Variants in ACVR1C observed in about 807,000 individuals in gnomAD.
The protein encoded by ACVR1C is activin A receptor type 1C.
In ACVR1C, 23 loss-of-function variants were observed where a neutral mutation model predicts 57.9. The ratio of observed to expected loss-of-function variants is 0.40; its 90% confidence interval spans 0.29 to 0.56. The LOEUF is 0.56. ACVR1C is among the 20% of genes least tolerant of loss of function. The pLI, the probability that ACVR1C is intolerant of heterozygous loss-of-function variation, is 0.50. For synonymous variants in ACVR1C, 214 were observed against 215.3 expected, an observed-to-expected ratio of 0.99 and a Z score of 0.05; for missense variants, 480 against 607.9, an observed-to-expected ratio of 0.79 and a Z score of 2.21.
At chr2:157,559,015 G>A (rs570303533) in intron 2 of ACVR1C, among the ~76,000 whole-genome samples, 17 of 152,198 alleles carry the variant, frequency 1.1e-4, no homozygotes, top group African/African-American at 3.1e-4. Flanking sequence ...ATTTTGATAC[G>A]TGTTATTGGG....
At chr2:157,598,681 A>G (rs1478770630) in intron 1 of ACVR1C, among the ~76,000 whole-genome samples, 5 of 151,748 alleles carry the variant, frequency 3.3e-5, no homozygotes, top group Non-Finnish European at 7.4e-5. Flanking sequence ...CTGGGATTAC[A>G]GGCGCTCACC....
intron 1 of ACVR1C, among the ~76,000 whole-genome samples, chr2:157,610,448 A>G (rs976823457): frequency 6.6e-6 from 1 of 152,132 alleles, no homozygotes; most frequent in Admixed American, 6.5e-5. Context: ...GTGACGAGAT[A>G]CTTTTGCTGT....
intron 2 of ACVR1C, among the ~76,000 whole-genome samples, chr2:157,559,463 A>G (rs747173214): frequency 2.0e-5 from 3 of 152,240 alleles, no homozygotes; most frequent in Non-Finnish European, 4.4e-5. Flanking sequence ...GTACAAGAAA[A>G]CAATCATGCA....
At position 157,545,974 on chromosome 2, in the gene ACVR1C, G is replaced by T. The variant is rs539416566; in HGVS notation, c.776-1362C>A. Among the ~76,000 whole-genome samples the T allele has an allele frequency of 4.9e-4, 74 of 152,106 alleles. 2 individuals carry two copies. The South Asian group carries it at 0.015, about 31-fold the overall frequency. On this transcript the variant is annotated intron_variant, in intron 4 of 8. Transcript: ENST00000243349. ...ATTTTTTATTTTTAGTAGAAACGGG[G>T]TTTCACCATGTTGGCCAGGCTAATC...
chr2:157,536,863 A>G (rs1444990873), intron 8 of ACVR1C, among the ~76,000 whole-genome samples: 1 of 152,200 alleles, frequency 6.6e-6, no homozygotes, highest in African/African-American at 2.4e-5. Flanking sequence ...AATGTACAAA[A>G]TTGTTCACAC....
At chr2:157,550,714 T>G (rs935260831) in intron 3 of ACVR1C, among the ~76,000 whole-genome samples, 2 of 140,264 alleles carry the variant, frequency 1.4e-5, no homozygotes, top group Admixed American at 1.5e-4. Flanking sequence ...GTCAGGTTAC[T>G]AAGTACACAA....
rs148922144 is a variant in ACVR1C at position 157,590,128 on chromosome 2, T to C, written c.74-2711A>G. 4.3e-3 allele frequency among the ~76,000 whole-genome samples: 648 copies of C among 152,032 alleles called. 9 individuals are homozygous for C. The highest frequency in any genetic ancestry group is 0.015 in the African/African-American group (603 of 41,492). The stretch of plus-strand genomic sequence containing the variant: ...CAACATTCTCTAGGTAAAAAATTTA[T>C]GACTAAGACCCCAAAAGCAAATGCA... On this transcript the variant is annotated intron_variant, in intron 1 of 8. Transcript: ENST00000243349.
intron 1 of ACVR1C, among the ~76,000 whole-genome samples, chr2:157,613,991 AC>A (rs1682590167): frequency 1.3e-5 from 2 of 152,096 alleles, no homozygotes; most frequent in African/African-American, 4.8e-5. Flanking sequence ...GAAATTAGAG[AC>A]TTTTTTGTTA....
At chr2:157,611,329 G>C (rs1682527407) in intron 1 of ACVR1C, among the ~76,000 whole-genome samples, 1 of 152,238 alleles carries the variant, frequency 6.6e-6, no homozygotes, top group South Asian at 2.1e-4. Flanking sequence ...CAGTGAGTTA[G>C]AGTATGGTTA....
chr2:157,596,753 A>C (rs999925736), intron 1 of ACVR1C, among the ~76,000 whole-genome samples: 2 of 152,232 alleles, frequency 1.3e-5, no homozygotes, highest in African/African-American at 4.8e-5. Context: ...ACTTTATGGC[A>C]AGTCTTTAGA....
At chr2:157,591,203 G>C (rs1360947001) in intron 1 of ACVR1C, among the ~76,000 whole-genome samples, 3 of 151,932 alleles carry the variant, frequency 2.0e-5, no homozygotes, top group Non-Finnish European at 2.9e-5. Context: ...TCTGTCAAGA[G>C]TGATTTGACT....
At chr2:157,540,681 A>G (rs1275145020) in intron 7 of ACVR1C, among the ~76,000 whole-genome samples, 3 of 152,218 alleles carry the variant, frequency 2.0e-5, no homozygotes, top group Non-Finnish European at 4.4e-5. Flanking sequence ...ATCCAACCCT[A>G]CAGTATTTAT....
Position 157,628,732 on chromosome 2 carries a change from C to T in ACVR1C, c.-88G>A, listed in dbSNP as rs558302673. ...CACGGCCCGCTTTGAAGTTCCCGGG[C>T]CGCGGGAGGGGAGCGCGGCACCGAC... On this transcript the variant is annotated 5_prime_UTR_variant, in exon 1 of 9. Transcript: ENST00000243349. The T allele has an allele frequency of 1.2e-3, 1,476 of 1,204,758 alleles. 6 individuals are homozygous for T. The highest frequency in any genetic ancestry group is 2.3e-3 in the Middle Eastern group (8 of 3,516). 74.6% of individuals were successfully genotyped at this position (1,204,758 alleles called of 1,614,324 possible). A position where few individuals can be genotyped will look rare whatever the true frequency, so the allele number is the denominator to read the frequency against.
chr2:157,550,110 C>A, intron 4 of ACVR1C, 52 bp downstream of exon 4: 4 of 1,507,878 alleles, frequency 2.7e-6, no homozygotes, highest in Non-Finnish European at 3.7e-6. Context: ...GAGACAGAGT[C>A]TCGCTCTAGA....
chr2:157,558,607 TG>T (rs1688161216), intron 2 of ACVR1C, among the ~76,000 whole-genome samples: 1 of 152,206 alleles, frequency 6.6e-6, no homozygotes, highest in Admixed American at 6.5e-5. Context: ...CTACTTTGCC[TG>T]ATGAATTTTA....
chr2:157,608,928 C>T (rs923313399), intron 1 of ACVR1C, among the ~76,000 whole-genome samples: 4 of 151,734 alleles, frequency 2.6e-5, no homozygotes, highest in African/African-American at 9.7e-5. Context: ...AATTCTTCAC[C>T]TCATTGATTC....
At chr2:157,564,319 A>C (rs1688309252) in intron 2 of ACVR1C, among the ~76,000 whole-genome samples, 1 of 152,236 alleles carries the variant, frequency 6.6e-6, no homozygotes, top group South Asian at 2.1e-4. Flanking sequence ...GACACTTCTC[A>C]GAAGATGACA....
At chr2:157,595,245 C>T (rs1019578613) in intron 1 of ACVR1C, among the ~76,000 whole-genome samples, 14 of 152,212 alleles carry the variant, frequency 9.2e-5, no homozygotes, top group African/African-American at 2.9e-4. Context: ...GCAGTCTTCT[C>T]CTTCCTGCCT....
chr2:157,575,783 G>T (rs1300960599), intron 2 of ACVR1C, among the ~76,000 whole-genome samples: 2 of 152,126 alleles, frequency 1.3e-5, no homozygotes, highest in Non-Finnish European at 2.9e-5. Flanking sequence ...CTTATTTGTA[G>T]TCATATTAAC....
Sources: gnomAD v4.1 joint callset for allele counts (sites outside exome capture counted in the v4.1 genomes callset) on GRCh38, gnomAD v4.1.1 for gene constraint, MANE v1.5 for transcripts, NCBI Gene and HGNC (gene_info 2026-07-23, HGNC 2026-07-21) for gene names.